Variants in ERCC6L2 observed in about 807,000 individuals in gnomAD.
ERCC6L2 encodes the protein ERCC excision repair 6 like 2.
A neutral mutation model predicts 132.0 loss-of-function variants in ERCC6L2; 77 were observed. That is an observed-to-expected ratio of 0.58 (90% CI 0.49 to 0.71). The LOEUF is 0.71. Ranked by LOEUF, ERCC6L2 falls within the 30% of genes least tolerant of loss-of-function variation. The pLI is 0.00. For synonymous variants in ERCC6L2, 583 were observed against 632.4 expected (o/e 0.92, Z 1.17); for missense variants, 1,542 against 1,837.6 (o/e 0.84, Z 2.94).
chr9:96,030,042 G>A (rs1040263417), intron 19 of ERCC6L2, among the ~76,000 whole-genome samples: 5 of 152,202 alleles, frequency 3.3e-5, no homozygotes, highest in African/African-American at 1.2e-4. Flanking sequence ...CTCCTGGGTC[G>A]AGTGGGGACT....
intron 17 of ERCC6L2, among the ~76,000 whole-genome samples, chr9:95,980,843 C>A (rs917212626): frequency 2.0e-5 from 3 of 152,148 alleles, no homozygotes; most frequent in African/African-American, 7.2e-5. Context: ...ACTTCTTGAT[C>A]CTGAAGTCTC....
At chr9:96,030,489 C>T (rs1375736758) in intron 19 of ERCC6L2, among the ~76,000 whole-genome samples, 2 of 151,882 alleles carry the variant, frequency 1.3e-5, no homozygotes, top group Non-Finnish European at 2.9e-5. Context: ...CGATGTCAGG[C>T]GATCTAGACT....
rs187813328 is a variant in ERCC6L2, at chr9:96,013,514, G to A, written c.*311G>A. 6.5e-5 allele frequency: 12 copies of A among 184,830 alleles called. No homozygotes were observed. The highest frequency in any genetic ancestry group is 1.4e-4 in the East Asian group (1 of 7,030). 11.4% of individuals were successfully genotyped at this position (184,830 alleles called of 1,614,324 possible). A position where few individuals can be genotyped will look rare whatever the true frequency, so the allele number is the denominator to read the frequency against. On this transcript the variant is annotated 3_prime_UTR_variant, in exon 19 of 19. Transcript: ENST00000653738. ...TACATAATGATGTGACACTTGCCCC[G>A]GTGAGCATTGTTTCCCAGTATGAAA... is the stretch of plus-strand genomic sequence containing the variant.
At position 95,898,024 on chromosome 9, in the gene ERCC6L2, C is replaced by G; in HGVS notation, c.594+53C>G. 4 of 1,462,328 alleles carry G rather than the reference C, an allele frequency of 2.7e-6. No homozygotes were observed. The South Asian group carries it at 3.9e-5, about 14-fold the overall frequency. The allele number at this position is 1,462,328 out of a possible 1,614,324, so 90.6% of individuals were successfully genotyped here. The stretch of plus-strand genomic sequence containing the variant: ...ACTCATGATGCTGGTATTACAAAAG[C>G]ATATAGAAATATTTAAATATCACAC... On this transcript the variant is annotated intron_variant, in intron 3 of 18. Transcript: ENST00000653738.
At chr9:96,030,327 G>C (rs560101190) in intron 19 of ERCC6L2, among the ~76,000 whole-genome samples, 1 of 151,978 alleles carries the variant, frequency 6.6e-6, no homozygotes, top group Non-Finnish European at 1.5e-5. Context: ...CAACACGCTC[G>C]GGTTCCCTTC....
intron 10 of ERCC6L2, 42 bp from the exon 11 acceptor site, chr9:95,928,677 A>G (rs1239751740): frequency 2.6e-6 from 4 of 1,543,390 alleles, no homozygotes; most frequent in Admixed American, 2.1e-5. Flanking sequence ...AAACTTACTT[A>G]ACCAAGATTC....
chr9:95,887,676 CCTCA>C (rs1360486290), intron 2 of ERCC6L2, among the ~76,000 whole-genome samples: 2 of 151,968 alleles, frequency 1.3e-5, no homozygotes, highest in Non-Finnish European at 2.9e-5. Flanking sequence ...GTATAGTAAA[CCTCA>C]CTCTTGAGAG....
intron 19 of ERCC6L2, among the ~76,000 whole-genome samples, chr9:96,034,459 C>G (rs949462543): frequency 1.3e-5 from 2 of 152,210 alleles, no homozygotes; most frequent in African/African-American, 2.4e-5. Context: ...GCTTTTACAG[C>G]TTCTTAAATT....
rs1828556418 is a variant in ERCC6L2 at position 95,897,981 on chromosome 9, C to T, written c.594+10C>T. On this transcript the variant is annotated intron_variant, in intron 3 of 18. Coordinates refer to ENST00000653738, the MANE Select transcript of ERCC6L2 (RefSeq NM_020207.7). ...TTCTACAGCAAAAAAGGTAAAATCT[C>T]TAGACAATGTATATTCTACTCATGA... 3.7e-6 allele frequency: 6 copies of T among 1,600,614 alleles called. No homozygotes were observed. The highest frequency in any genetic ancestry group is 2.2e-5 in the East Asian group (1 of 44,616).
chr9:96,013,103 C>T lies in ERCC6L2; in HGVS notation c.4553C>T (p.Pro1518Leu). 3 of 1,367,556 alleles carry T rather than the reference C, an allele frequency of 2.2e-6. No homozygotes were observed. Among genetic ancestry groups the T allele is most frequent in the Non-Finnish European group, 2.9e-6 (3 of 1,021,840 alleles). 84.7% of individuals were successfully genotyped at this position (1,367,556 alleles called of 1,614,324 possible). Residue 1518 changes from proline to leucine, a missense_variant, in exon 19 of 19, where the codon CCA (proline) becomes CTA (leucine). Around this residue, in one of 4 missense-constraint regions of ERCC6L2, gnomAD observed 442 missense variants for 583.4 expected, o/e 0.76. Transcript: ENST00000653738. ...LAAPFKRREE[P>L]ATSLWKSNEK... ...GCACCCTTTAAAAGGAGAGAAGAGC[C>T]AGCAACTTCTCTTTGGAAATCAAAT...
chr9:95,967,681 T>C (rs1564271474), intron 14 of ERCC6L2: 1 of 152,210 alleles, frequency 6.6e-6, no homozygotes, highest in Non-Finnish European at 1.5e-5. Context: ...TTCTGATATA[T>C]ACTGCTGAGT....
At chr9:95,945,654 A>G (rs940273033) in intron 12 of ERCC6L2, among the ~76,000 whole-genome samples, 18 of 152,340 alleles carry the variant, frequency 1.2e-4, no homozygotes, top group African/African-American at 3.6e-4. Flanking sequence ...TGTCCATGAA[A>G]TCTTCACAAT....
At chr9:95,974,974 T>A (rs1832600662) in intron 16 of ERCC6L2, among the ~76,000 whole-genome samples, 1 of 152,048 alleles carries the variant, frequency 6.6e-6, no homozygotes, top group Non-Finnish European at 1.5e-5. Flanking sequence ...AGGGAATGAT[T>A]TACTTTTAAT....
At chr9:95,893,810 T>C (rs912016612) in intron 2 of ERCC6L2, among the ~76,000 whole-genome samples, 6 of 152,204 alleles carry the variant, frequency 3.9e-5, no homozygotes, top group Non-Finnish European at 8.8e-5. Context: ...GAAAAAATTC[T>C]TTCAAAGGAT....
chr9:96,032,467 G>A (rs1828952621), intron 19 of ERCC6L2, among the ~76,000 whole-genome samples: 1 of 152,216 alleles, frequency 6.6e-6, no homozygotes, highest in African/African-American at 2.4e-5. Flanking sequence ...GAGGGCCATA[G>A]CTGGCTCTTT....
At chr9:96,030,680 C>A (rs545951461) in intron 19 of ERCC6L2, among the ~76,000 whole-genome samples, 1 of 134,962 alleles carries the variant, frequency 7.4e-6, no homozygotes, top group South Asian at 2.3e-4. Flanking sequence ...CCAGCCTGGG[C>A]GACAAAGCGA....
At chr9:95,887,979 AT>A (rs1827962118) in intron 2 of ERCC6L2, among the ~76,000 whole-genome samples, 1 of 151,554 alleles carries the variant, frequency 6.6e-6, no homozygotes. Context: ...ATAAAATTGT[AT>A]TTCTTCTTTT....
chr9:95,960,377 G>A (rs1429472433), intron 13 of ERCC6L2, among the ~76,000 whole-genome samples: 1 of 152,094 alleles, frequency 6.6e-6, no homozygotes, highest in African/African-American at 2.4e-5. Context: ...TCTAATCCCT[G>A]GAAATTGTAA....
intron 3 of ERCC6L2, among the ~76,000 whole-genome samples, chr9:95,905,993 A>T (rs1829015985): frequency 6.6e-6 from 1 of 152,228 alleles, no homozygotes; most frequent in African/African-American, 2.4e-5. Flanking sequence ...AACAGGGAGA[A>T]ATAAAAACAT....
Sources: allele counts gnomAD v4.1 joint callset (sites outside exome capture counted in the v4.1 genomes callset), GRCh38; gene constraint gnomAD v4.1.1; regional missense constraint gnomAD v4.1.1; transcripts MANE v1.5; gene names NCBI Gene and HGNC (gene_info 2026-07-23, HGNC 2026-07-21).